TTC7B: variants seen among roughly 807,000 people sequenced by gnomAD.
The protein encoded by TTC7B is tetratricopeptide repeat protein 7B.
Under a neutral mutation model 106.8 loss-of-function variants are expected in TTC7B, and 28 were observed. The observed-to-expected ratio is 0.26, with a 90% CI of 0.19 to 0.36. The LOEUF is 0.36. Ranked by LOEUF, TTC7B falls within the 10% of genes least tolerant of loss-of-function variation. TTC7B has a pLI of 1.00. For synonymous variants in TTC7B, 405 were observed against 430.6 expected (o/e 0.94, Z 0.74); for missense variants, 862 against 1,076.4 (o/e 0.80, Z 2.79).
In TTC7B at chr14:90,541,154, C is replaced by A; in HGVS notation, c.*214G>T. On this transcript the variant is annotated 3_prime_UTR_variant, in exon 20 of 20. Transcript: ENST00000328459. Reference sequence around the variant, plus strand: ...CCATTTTGAACAATGTCAATAGGTTCAGAAACTACCATTGGGCTGGCAAAA... The same window carrying A: ...CCATTTTGAACAATGTCAATAGGTTAAGAAACTACCATTGGGCTGGCAAAA... The A allele has an allele frequency of 2.1e-6, 1 of 482,968 alleles. No individual in the cohort carries two copies. 29.9% of individuals were successfully genotyped at this position (482,968 alleles called of 1,614,324 possible). A position where few individuals can be genotyped will look rare whatever the true frequency, so the allele number is the denominator to read the frequency against.
intron 15 of TTC7B, among the ~76,000 whole-genome samples, chr14:90,625,018 C>T (rs1382317810): frequency 6.6e-6 from 1 of 152,222 alleles, no homozygotes; most frequent in Non-Finnish European, 1.5e-5. Context: ...CTCTTGCTGC[C>T]TCCTGTCCAG....
chr14:90,579,692 G>C (rs752335600), intron 18 of TTC7B, among the ~76,000 whole-genome samples: 5 of 152,144 alleles, frequency 3.3e-5, no homozygotes, highest in African/African-American at 4.8e-5. Context: ...CCAACTACTA[G>C]GGAGGCTGAG....
At chr14:90,542,158 C>T (rs1889626734) in intron 19 of TTC7B, among the ~76,000 whole-genome samples, 1 of 152,174 alleles carries the variant, frequency 6.6e-6, no homozygotes, top group African/African-American at 2.4e-5. Flanking sequence ...CCAGGATGGT[C>T]TCGATCTCCT....
intron 1 of TTC7B, among the ~76,000 whole-genome samples, chr14:90,790,222 G>C (rs1401304740): frequency 6.6e-6 from 1 of 151,594 alleles, no homozygotes; most frequent in Non-Finnish European, 1.5e-5. Flanking sequence ...TAAGATTTGG[G>C]ATAATTTTTA....
At chr14:90,548,897 G>A (rs1191076875) in intron 19 of TTC7B, among the ~76,000 whole-genome samples, 4 of 152,172 alleles carry the variant, frequency 2.6e-5, no homozygotes, top group Non-Finnish European at 5.9e-5. Context: ...GGAGGCCGAG[G>A]TGGGTGGATC....
At chr14:90,649,016 G>A (rs1398684814) in intron 13 of TTC7B, 2 of 152,222 alleles carry the variant, frequency 1.3e-5, no homozygotes, top group African/African-American at 4.8e-5. Flanking sequence ...AGTTGAGGGT[G>A]TACATAAAGA....
intron 15 of TTC7B, among the ~76,000 whole-genome samples, chr14:90,628,735 T>A (rs1327578060): frequency 2.6e-5 from 4 of 152,230 alleles, no homozygotes; most frequent in African/African-American, 4.8e-5. Context: ...GGACCGCGCA[T>A]CCTTGCATCA....
chr14:90,751,903 G>A (rs910286610), intron 3 of TTC7B, among the ~76,000 whole-genome samples: 1 of 152,198 alleles, frequency 6.6e-6, no homozygotes, highest in Non-Finnish European at 1.5e-5. Context: ...GGTCCATGCA[G>A]GAGTCAGAAG....
chr14:90,768,357 GGA>G lies in TTC7B; in HGVS notation c.445+12379_445+12380del, dbSNP rs142344466. ...GCCACCTTCTTTACAAGGCAGTGGG[GGA>G]GAGAGAGAGAGAGAGTGAAGGAGAA... On this transcript the variant is annotated intron_variant, in intron 3 of 19. Transcript: ENST00000328459. Among the ~76,000 whole-genome samples, 97 of 151,058 alleles carry G rather than the reference GGA, an allele frequency of 6.4e-4. 2 individuals carry two copies. Among genetic ancestry groups the G allele is most frequent in the Non-Finnish European group, 2.8e-4 (19 of 67,666 alleles).
At chr14:90,689,747 A>C (rs1286570078) in intron 6 of TTC7B, 35 bp from the exon 7 acceptor site, 3 of 1,607,828 alleles carry the variant, frequency 1.9e-6, no homozygotes, top group Non-Finnish European at 8.5e-7. Flanking sequence ...ATAGCCATGA[A>C]TCTATCTTGT....
At chr14:90,758,573 C>G (rs1271003526) in intron 3 of TTC7B, among the ~76,000 whole-genome samples, 2 of 152,222 alleles carry the variant, frequency 1.3e-5, no homozygotes, top group Non-Finnish European at 2.9e-5. Flanking sequence ...AACGCGGCTC[C>G]CGCGACCCCT....
chr14:90,785,664 C>G (rs1891361782), intron 2 of TTC7B, among the ~76,000 whole-genome samples: 1 of 152,194 alleles, frequency 6.6e-6, no homozygotes, highest in Non-Finnish European at 1.5e-5. Flanking sequence ...ACCTAAGATT[C>G]CTTGTGCCTG....
At chr14:90,738,564 G>A (rs980542456) in intron 4 of TTC7B, among the ~76,000 whole-genome samples, 8 of 151,618 alleles carry the variant, frequency 5.3e-5, no homozygotes, top group Non-Finnish European at 1.0e-4. Flanking sequence ...CCAAGACTGC[G>A]CCATTGCACT....
rs565973920 is a variant in TTC7B, at chr14:90,549,521, C to T, written c.2311-7932G>A. Among the ~76,000 whole-genome samples, 11 of 152,300 alleles carry T rather than the reference C, an allele frequency of 7.2e-5. 1 individual carries two copies. The highest frequency in any genetic ancestry group is 2.6e-4 in the African/African-American group (11 of 41,568). The stretch of plus-strand genomic sequence containing the variant: ...CTGCAGTTGTGCTGGCCACAGATGG[C>T]ACACTGGGGGCTCAGGGTGTAGGTG... On this transcript the variant is annotated intron_variant, in intron 19 of 19. Coordinates refer to ENST00000328459, the MANE Select transcript of TTC7B (RefSeq NM_001010854.2).
chr14:90,568,894 C>T (rs1213412013), intron 19 of TTC7B, among the ~76,000 whole-genome samples: 3 of 152,132 alleles, frequency 2.0e-5, no homozygotes, highest in Non-Finnish European at 4.4e-5. Context: ...ATATTATAAG[C>T]TAAAAAAGTG....
intron 13 of TTC7B, among the ~76,000 whole-genome samples, chr14:90,649,225 T>C (rs1885607103): frequency 6.6e-6 from 1 of 152,238 alleles, no homozygotes; most frequent in South Asian, 2.1e-4. Context: ...AACTGAAACA[T>C]ATACATTTTA....
intron 18 of TTC7B, among the ~76,000 whole-genome samples, chr14:90,591,747 A>C (rs541055309): frequency 2.0e-5 from 3 of 151,852 alleles, no homozygotes; most frequent in African/African-American, 7.3e-5. Flanking sequence ...ACTAAACCAT[A>C]CTCCTTCCCT....
intron 3 of TTC7B, among the ~76,000 whole-genome samples, chr14:90,779,618 T>A (rs1647929299): frequency 6.6e-6 from 1 of 152,236 alleles, no homozygotes. Flanking sequence ...TTTTAAAATA[T>A]CATTTATGCA....
At chr14:90,739,986 T>C (rs982182467) in intron 4 of TTC7B, among the ~76,000 whole-genome samples, 1 of 152,226 alleles carries the variant, frequency 6.6e-6, no homozygotes, top group African/African-American at 2.4e-5. Flanking sequence ...TCCTATGCCA[T>C]TTCTATCTGC....
Sources: allele counts gnomAD v4.1 joint callset (sites outside exome capture counted in the v4.1 genomes callset), GRCh38; gene constraint gnomAD v4.1.1; transcripts MANE v1.5; gene names NCBI Gene and HGNC (gene_info 2026-07-23, HGNC 2026-07-21).